ANK1: variants seen among roughly 807,000 people sequenced by gnomAD.
The protein encoded by ANK1 is ankyrin 1.
Under a neutral mutation model 210.4 loss-of-function variants are expected in ANK1, and 51 were observed. The ratio of observed to expected loss-of-function variants is 0.24; its 90% CI spans 0.19 to 0.31. The LOEUF is 0.31. ANK1 is among the 10% of genes least tolerant of loss of function. ANK1 has a pLI of 1.00. For synonymous variants in ANK1, 967 were observed against 1,025.9 expected (o/e 0.94, Z 1.10); for missense variants, 2,051 against 2,504.4 (o/e 0.82, Z 3.86).
intron 1 of ANK1, among the ~76,000 whole-genome samples, chr8:41,762,992 G>T (rs1840804617): frequency 6.6e-6 from 1 of 152,174 alleles, no homozygotes; most frequent in Non-Finnish European, 1.5e-5. Flanking sequence ...AAGGCAGATG[G>T]ATCACTTGAG....
At chr8:41,849,490 C>T (rs1477431785) in intron 1 of ANK1, among the ~76,000 whole-genome samples, 27 of 151,490 alleles carry the variant, frequency 1.8e-4, no homozygotes, top group Non-Finnish European at 8.8e-5. Flanking sequence ...CACCATTGTA[C>T]TCCAGCCTGG....
intron 37 of ANK1, among the ~76,000 whole-genome samples, chr8:41,678,100 T>C (rs1814786947): frequency 6.6e-6 from 1 of 152,180 alleles, no homozygotes; most frequent in South Asian, 2.1e-4. Flanking sequence ...GTCTTCATGA[T>C]TTTTATCAAA....
At chr8:41,761,538 T>C (rs1840454389) in intron 1 of ANK1, among the ~76,000 whole-genome samples, 1 of 151,854 alleles carries the variant, frequency 6.6e-6, no homozygotes, top group African/African-American at 2.4e-5. Flanking sequence ...CTGGAGGGAG[T>C]GTGTCCCTGT....
chr8:41,819,279 C>T (rs1164436131), intron 1 of ANK1, among the ~76,000 whole-genome samples: 1 of 152,220 alleles, frequency 6.6e-6, no homozygotes, highest in Non-Finnish European at 1.5e-5. Context: ...GACTGCTACA[C>T]TGTGGTGCAC....
chr8:41,836,381 C>T (rs1807716660), intron 1 of ANK1, among the ~76,000 whole-genome samples: 1 of 152,250 alleles, frequency 6.6e-6, no homozygotes, highest in Non-Finnish European at 1.5e-5. Flanking sequence ...CTTGCTCTGT[C>T]TCCTGTCTGC....
rs66466616 is a variant in ANK1 at position 41,803,060 on chromosome 8, AAAGG to A, written c.127-44927_127-44924del. On this transcript the variant is annotated intron_variant, in intron 1 of 42. Transcript: ENST00000265709. ...AAGAAAGAGAAAGAAAGAAAGAGAG[AAAGG>A]AAGGAAGGAAGGAAGGAAGGGAAGG... Among the ~76,000 whole-genome samples the A allele has an allele frequency of 1.8e-3, 105 of 59,064 alleles. 1 individual carries two copies. Among genetic ancestry groups the A allele is most frequent in the East Asian group, 0.012 (45 of 3,698 alleles). The allele number at this position is 59,064 out of a possible 152,430, so 38.7% of individuals were successfully genotyped here.
chr8:41,687,124 G>A (rs868634552), intron 35 of ANK1, among the ~76,000 whole-genome samples: 4 of 152,222 alleles, frequency 2.6e-5, no homozygotes, highest in African/African-American at 9.6e-5. Context: ...TTCTGAGTGT[G>A]TCTAAAGTGT....
At chr8:41,853,036 T>A (rs537453407) in intron 1 of ANK1, among the ~76,000 whole-genome samples, 1 of 152,332 alleles carries the variant, frequency 6.6e-6, no homozygotes, top group African/African-American at 2.4e-5. Flanking sequence ...TTAGAAACAA[T>A]GTTTCCCTGT....
At chr8:41,679,655 C>T (rs796071568) in intron 37 of ANK1, among the ~76,000 whole-genome samples, 7 of 149,422 alleles carry the variant, frequency 4.7e-5, no homozygotes, top group East Asian at 2.0e-4. Context: ...CTCCGCCTCC[C>T]GGGTTCACGC....
chr8:41,680,777 C>T (rs768535568), intron 37 of ANK1, among the ~76,000 whole-genome samples: 2 of 152,158 alleles, frequency 1.3e-5, no homozygotes, highest in East Asian at 1.9e-4. Flanking sequence ...TATGAAGCTG[C>T]AGCAATACTT....
In ANK1 at chr8:41,701,539, C is replaced by G. The variant is rs764366063; in HGVS notation, c.2461+11G>C. On this transcript the variant is annotated intron_variant, in intron 22 of 42. Coordinates refer to ENST00000289734, the MANE Select transcript of ANK1 (RefSeq NM_000037.4). ...GTCCCCACCAGCCTGAGCTCTTTAC[C>G]CCAACGTTACCTTCATCTTCCGAGA... 17 of 1,614,016 alleles carry G rather than the reference C, an allele frequency of 1.1e-5. No homozygotes were observed. Among genetic ancestry groups the G allele is most frequent in the Admixed American group, 1.7e-5 (1 of 60,028 alleles).
At chr8:41,692,206 G>A (rs1819464009) in intron 31 of ANK1, among the ~76,000 whole-genome samples, 1 of 152,110 alleles carries the variant, frequency 6.6e-6, no homozygotes. Flanking sequence ...ACAGGCACGT[G>A]CCATCATGCC....
At chr8:41,758,197 G>GT in intron 1 of ANK1, 60 bp from the exon 2 acceptor site, 1 of 1,478,278 alleles carries the variant, frequency 6.8e-7, no homozygotes. Flanking sequence ...TCTCCACCCC[G>GT]TTCAAGTCCC....
chr8:41,724,632 A>T, intron 6 of ANK1, 78 bp from the exon 7 acceptor site: 1 of 1,363,458 alleles, frequency 7.3e-7, no homozygotes, highest in Non-Finnish European at 1.0e-6. Flanking sequence ...GATGCAGGAA[A>T]CTCAGGTGGG....
intron 1 of ANK1, among the ~76,000 whole-genome samples, chr8:41,825,123 C>A (rs1342873476): frequency 6.6e-6 from 1 of 152,226 alleles, no homozygotes; most frequent in African/African-American, 2.4e-5. Flanking sequence ...CAGGTGGAAA[C>A]AGGAACTTCG....
At chr8:41,767,388 C>T (rs1029703037) in intron 1 of ANK1, among the ~76,000 whole-genome samples, 1 of 151,722 alleles carries the variant, frequency 6.6e-6, no homozygotes, top group African/African-American at 2.4e-5. Flanking sequence ...CATCGTCCGG[C>T]GCCCGCGCTG....
At position 41,832,763 on chromosome 8, in the gene ANK1, G is replaced by A. The variant is rs555704687; in HGVS notation, c.126+63592C>T. On this transcript the variant is annotated intron_variant, in intron 1 of 42. Coordinates refer to the ANK1 transcript ENST00000265709. ...GAATTTCAGATAAAAAATAAATAAC[G>A]TTCTGATACAAGTCTGTCCTGTGCA... Among the ~76,000 whole-genome samples the A allele has an allele frequency of 1.1e-4, 17 of 152,286 alleles. No homozygotes were observed. The South Asian group carries it at 1.4e-3, about 13-fold the overall frequency.
rs13438835 is a variant in ANK1 at position 41,694,210 on chromosome 8, G to A, written c.3328-108C>T. On this transcript the variant is annotated intron_variant, in intron 28 of 42. Transcript: ENST00000289734. This position sits in a 1 kb window ranked among gnomAD's most constrained non-coding sequence, Gnocchi z 5.7. ...AGTGGCCGTCAGTGCACGGGGTCCC[G>A]CCCTGCTGTTGGACCACAGAACCGA... 0.029 allele frequency: 34,703 copies of A among 1,211,936 alleles called. 1,381 individuals are homozygous for A. The highest frequency in any genetic ancestry group is 0.18 in the African/African-American group (11,976 of 66,146). The allele number at this position is 1,211,936 out of a possible 1,614,324, so 75.1% of individuals were successfully genotyped here.
intron 1 of ANK1, among the ~76,000 whole-genome samples, chr8:41,767,276 C>T (rs1225847629): frequency 6.6e-6 from 1 of 151,822 alleles, no homozygotes; most frequent in Non-Finnish European, 1.5e-5. Flanking sequence ...AGCCCCGGCC[C>T]CGGCCCCGGC....
Sources: allele counts gnomAD v4.1 joint callset (sites outside exome capture counted in the v4.1 genomes callset), GRCh38; gene constraint gnomAD v4.1.1; non-coding constraint Gnocchi (gnomAD v3.1); transcripts MANE v1.5; gene names NCBI Gene and HGNC (gene_info 2026-07-23, HGNC 2026-07-21).